SMYD3: variants seen among roughly 807,000 people sequenced by gnomAD.
The protein encoded by SMYD3 is histone-lysine N-methyltransferase SMYD3.
Under a neutral mutation model 57.7 loss-of-function variants are expected in SMYD3, and 36 were observed. The ratio of observed to expected loss-of-function variants is 0.62; its 90% confidence interval spans 0.48 to 0.82. SMYD3 has a LOEUF of 0.82. SMYD3 is among the 40% of genes least tolerant of loss of function. SMYD3 has a pLI of 0.00. For missense variants in SMYD3, 515 were observed against 538.8 expected, an observed-to-expected ratio of 0.96 and a Z score of 0.44; for synonymous variants, 211 against 195.0, an observed-to-expected ratio of 1.08 and a Z score of -0.68.
intron 5 of SMYD3, among the ~76,000 whole-genome samples, chr1:246,161,374 G>C (rs1254172664): frequency 6.6e-6 from 1 of 152,118 alleles, no homozygotes; most frequent in South Asian, 2.1e-4. Context: ...CTTTACACAG[G>C]CTGTTCCCTC....
At chr1:246,192,180 C>T (rs2062749193) in intron 5 of SMYD3, among the ~76,000 whole-genome samples, 1 of 152,098 alleles carries the variant, frequency 6.6e-6, no homozygotes, top group Admixed American at 6.6e-5. Context: ...CTCACTGTAG[C>T]CTTGAATACC....
rs550442179 is a variant in SMYD3 at position 246,438,190 on chromosome 1, T to G, written c.164+68864A>C. Among the ~76,000 whole-genome samples the G allele has an allele frequency of 1.2e-3, 189 of 152,316 alleles. 2 individuals are homozygous for G. The highest frequency in any genetic ancestry group is 4.3e-4 in the Non-Finnish European group (29 of 68,024). On this transcript the variant is annotated intron_variant, in intron 1 of 11. Coordinates refer to ENST00000490107, the MANE Select transcript of SMYD3 (RefSeq NM_001167740.2). Reference sequence around the variant, plus strand: ...TTTTTAACTAGGAATGACAGCATACTGATTCTGGCAAACGTTCAGAGGGAA... The same window carrying G: ...TTTTTAACTAGGAATGACAGCATACGGATTCTGGCAAACGTTCAGAGGGAA...
At chr1:246,143,192 A>AGTGTAGAGG (rs1255610329) in intron 5 of SMYD3, among the ~76,000 whole-genome samples, 3 of 151,796 alleles carry the variant, frequency 2.0e-5, no homozygotes, top group Non-Finnish European at 1.5e-5. Flanking sequence ...TTAGACTAAC[A>AGTGTAGAGG]GTGTAGAGGG....
chr1:246,255,730 T>C (rs2063871730), intron 5 of SMYD3, among the ~76,000 whole-genome samples: 1 of 151,638 alleles, frequency 6.6e-6, no homozygotes, highest in African/African-American at 2.4e-5. Context: ...ATTTGTACAA[T>C]ACATCTGGCA....
At chr1:245,895,848 T>G (rs2053745376) in intron 8 of SMYD3, among the ~76,000 whole-genome samples, 1 of 152,118 alleles carries the variant, frequency 6.6e-6, no homozygotes. Flanking sequence ...GTGGAGGGTC[T>G]CAGAAGGAAA....
At position 245,817,732 on chromosome 1, in the gene SMYD3, G is replaced by C. The variant is rs1481397796; in HGVS notation, c.1076+40764C>G. ...CTGATGGAGCTGAAAACCAAGGCTCGAGAACTATGTGAAGAATGCAGAAGC... is the reference window on the plus strand; with the variant it reads ...CTGATGGAGCTGAAAACCAAGGCTCCAGAACTATGTGAAGAATGCAGAAGC... On this transcript the variant is annotated intron_variant, in intron 10 of 11. Coordinates refer to ENST00000490107, the MANE Select transcript of SMYD3 (RefSeq NM_001167740.2). 4.0e-5 allele frequency among the ~76,000 whole-genome samples: 6 copies of C among 150,686 alleles called. No individual in the cohort carries two copies. In the South Asian group the frequency reaches 6.3e-4, roughly 16 times the overall value.
chr1:245,945,336 T>G (rs2057396711), intron 5 of SMYD3, among the ~76,000 whole-genome samples: 1 of 152,048 alleles, frequency 6.6e-6, no homozygotes, highest in Non-Finnish European at 1.5e-5. Context: ...GAACAGACAC[T>G]TCTCAAAAGA....
At chr1:246,135,935 C>T (rs1451357620) in intron 5 of SMYD3, among the ~76,000 whole-genome samples, 4 of 152,088 alleles carry the variant, frequency 2.6e-5, no homozygotes, top group African/African-American at 9.7e-5. Flanking sequence ...AAGTGTAAGG[C>T]TTTCCAAAAT....
chr1:246,504,307 A>G (rs10218761), intron 1 of SMYD3, among the ~76,000 whole-genome samples: 130,307 of 152,120 alleles, frequency 0.86, 56,020 homozygotes, highest in Non-Finnish European at 0.9. Context: ...GTGTATCCTC[A>G]CACAAACCCA....
intron 5 of SMYD3, among the ~76,000 whole-genome samples, chr1:245,937,423 T>C (rs2057031453): frequency 6.6e-6 from 1 of 151,534 alleles, no homozygotes; most frequent in East Asian, 1.9e-4. Context: ...AATAGCAAAA[T>C]AGTCACATAT....
intron 5 of SMYD3, among the ~76,000 whole-genome samples, chr1:246,116,976 T>TA (rs2061350912): frequency 6.6e-6 from 1 of 152,206 alleles, no homozygotes; most frequent in Non-Finnish European, 1.5e-5. Flanking sequence ...TGGTTTTCCT[T>TA]AAAAACTCTT....
intron 5 of SMYD3, among the ~76,000 whole-genome samples, chr1:246,009,753 C>T (rs1334354723): frequency 2.1e-5 from 3 of 142,036 alleles, no homozygotes; most frequent in Non-Finnish European, 4.6e-5. Context: ...GGCAGAGTAA[C>T]TAGAATGAAG....
At chr1:246,239,339 C>T (rs911759703) in intron 5 of SMYD3, among the ~76,000 whole-genome samples, 2 of 152,060 alleles carry the variant, frequency 1.3e-5, no homozygotes, top group African/African-American at 2.4e-5. Context: ...TGAGTGAGAA[C>T]ATGTGGTGTT....
chr1:245,939,766 T>C (rs894935416), intron 5 of SMYD3, among the ~76,000 whole-genome samples: 1 of 152,224 alleles, frequency 6.6e-6, no homozygotes, highest in Admixed American at 6.5e-5. Context: ...AGTTTTCCTG[T>C]CTTCACACCT....
chr1:245,842,672 C>G (rs901130179), intron 10 of SMYD3, among the ~76,000 whole-genome samples: 2 of 152,130 alleles, frequency 1.3e-5, no homozygotes, highest in African/African-American at 4.8e-5. Flanking sequence ...ATTCACTCAT[C>G]TCCACTGGTG....
chr1:246,214,234 C>A (rs2063130641), intron 5 of SMYD3, among the ~76,000 whole-genome samples: 1 of 152,038 alleles, frequency 6.6e-6, no homozygotes, highest in African/African-American at 2.4e-5. Flanking sequence ...TTTCACATCC[C>A]AGGTCACAAA....
chr1:246,241,695 A>T (rs1355050300), intron 5 of SMYD3, among the ~76,000 whole-genome samples: 3 of 151,994 alleles, frequency 2.0e-5, no homozygotes, highest in Non-Finnish European at 4.4e-5. Flanking sequence ...TACCTCTGGT[A>T]GAATTCAGCT....
chr1:245,969,073 A>G (rs1443387525), intron 5 of SMYD3, among the ~76,000 whole-genome samples: 1 of 152,230 alleles, frequency 6.6e-6, no homozygotes, highest in African/African-American at 2.4e-5. Flanking sequence ...TGGTAACACT[A>G]TTTAAATGGG....
intron 5 of SMYD3, among the ~76,000 whole-genome samples, chr1:246,318,826 C>A (rs1253493398): frequency 3.9e-5 from 6 of 152,208 alleles, no homozygotes; most frequent in Admixed American, 3.9e-4. Flanking sequence ...AACAAAAATG[C>A]TGATTAAGAA....
Sources: gnomAD v4.1 joint callset for allele counts (sites outside exome capture counted in the v4.1 genomes callset) on GRCh38, gnomAD v4.1.1 for gene constraint, MANE v1.5 for transcripts, NCBI Gene and HGNC (gene_info 2026-07-23, HGNC 2026-07-21) for gene names.